The following FAM53A variants were observed in gnomAD, a reference collection of about 807,000 sequenced individuals.
FAM53A encodes the protein protein FAM53A.
In FAM53A, 28 loss-of-function variants were observed where a neutral mutation model predicts 26.6. The observed-to-expected ratio is 1.05, with a 90% CI of 0.78 to 1.45. The LOEUF is 1.45. FAM53A is among the 40% of genes most tolerant of loss of function. FAM53A has a pLI of 0.00. For synonymous variants in FAM53A, 290 were observed against 253.1 expected (o/e 1.15, Z -1.38); for missense variants, 650 against 575.8 (o/e 1.13, Z -1.32).
At chr4:1,580,400 G>A in the FAM53A span, 1 of 152,446 alleles carries the variant, frequency 6.6e-6, no homozygotes, top group Non-Finnish European at 1.5e-5. Flanking sequence ...AAGATCTGCA[G>A]GGATGTGAGG....
At position 1,684,297 on chromosome 4, in the gene FAM53A, G is replaced by A. The variant is rs1715659691; in HGVS notation, c.-229C>T. ...GGCCGCCCAGGCCCCGCTCGCTCAG[G>A]GCGACGCGCCTCAGCCGCGGCGGAA... On this transcript the variant is annotated 5_prime_UTR_variant, in exon 1 of 5. Coordinates refer to ENST00000308132, the MANE Select transcript of FAM53A (RefSeq NM_001174070.3). 1 of 150,990 alleles carries A rather than the reference G, an allele frequency of 6.6e-6. No individual in the cohort carries two copies. Among genetic ancestry groups the A allele is most frequent in the East Asian group, 1.9e-4 (1 of 5,138 alleles). 9.4% of individuals were successfully genotyped at this position (150,990 alleles called of 1,614,324 possible).
intron 2 of FAM53A, among the ~76,000 whole-genome samples, chr4:1,661,749 G>A (rs1050963400): frequency 5.3e-5 from 8 of 151,846 alleles, no homozygotes; most frequent in East Asian, 1.9e-4. Flanking sequence ...CCCTCCCACC[G>A]CCTCATGCCT....
downstream of FAM53A, among the ~76,000 whole-genome samples, chr4:1,615,837 T>C (rs974623217): frequency 2.0e-5 from 3 of 152,238 alleles, no homozygotes; most frequent in Non-Finnish European, 2.9e-5. Flanking sequence ...TGAAGGACCA[T>C]GCACTTTTCT....
the FAM53A span, among the ~76,000 whole-genome samples, chr4:1,612,239 TAA>T: frequency 9.9e-5 from 15 of 152,198 alleles, no homozygotes; most frequent in African/African-American, 2.9e-4. Context: ...AAACAAGATA[TAA>T]GTCTTTTAAA....
chr4:1,582,773 G>A, the FAM53A span, among the ~76,000 whole-genome samples: 1 of 152,126 alleles, frequency 6.6e-6, no homozygotes, highest in African/African-American at 2.4e-5. Flanking sequence ...GAGGATCACT[G>A]GAGCCCAGGA....
In FAM53A at chr4:1,646,348, C is replaced by T. The variant is rs181631789; in HGVS notation, c.883-4741G>A. On this transcript the variant is annotated intron_variant, in intron 4 of 4. Coordinates refer to ENST00000308132, the MANE Select transcript of FAM53A (RefSeq NM_001174070.3). ...TCTCCTGACCTCATGATCTGCCCAC[C>T]TCGGCCTCCCAAAGTGCTGGGATTA... 7.2e-3 allele frequency among the ~76,000 whole-genome samples: 1,093 copies of T among 152,302 alleles called. 10 individuals carry two copies. Among genetic ancestry groups the T allele is most frequent in the African/African-American group, 0.024 (989 of 41,564 alleles).
chr4:1,574,875 AACCCCTCGGCTAT>A, the FAM53A span, among the ~76,000 whole-genome samples: 12 of 152,204 alleles, frequency 7.9e-5, no homozygotes, highest in Non-Finnish European at 1.6e-4. Flanking sequence ...CGGCTGCCCG[AACCCCTCGGCTAT>A]GGCAAGCTTT....
downstream of FAM53A, among the ~76,000 whole-genome samples, chr4:1,639,188 G>A (rs369704947): frequency 1.1e-3 from 166 of 151,964 alleles, no homozygotes; most frequent in African/African-American, 3.8e-3. Flanking sequence ...ACCAGTGGCC[G>A]GTGCCCTGGA....
At chr4:1,662,480 A>T (rs1477655114) in intron 2 of FAM53A, among the ~76,000 whole-genome samples, 1 of 14,774 alleles carries the variant, frequency 6.8e-5, no homozygotes, top group Non-Finnish European at 1.7e-4. Context: ...ATTCCATCAC[A>T]AAAAAAAAAA....
chr4:1,683,556 A>C (rs1029924055), intron 1 of FAM53A: 1 of 152,250 alleles, frequency 6.6e-6, no homozygotes, highest in Non-Finnish European at 1.5e-5. Flanking sequence ...AGCCAAACTC[A>C]TCCATCCGTA....
intron 4 of FAM53A, 105 bp from the exon 5 acceptor site, chr4:1,641,712 C>A (rs1451574745): frequency 2.4e-5 from 27 of 1,139,350 alleles, no homozygotes; most frequent in Middle Eastern, 1.9e-4. Context: ...TCTGGCCATC[C>A]CCAAGACCAC....
rs1247168247 is a variant in FAM53A at position 1,659,292 on chromosome 4, A to C, written c.76-1824T>G. On this transcript the variant is annotated intron_variant, in intron 2 of 4. Coordinates refer to ENST00000308132, the MANE Select transcript of FAM53A (RefSeq NM_001174070.3). This position sits in a 1 kb window ranked among gnomAD's most constrained non-coding sequence, Gnocchi z 5.2. ...TCTGCTAAAGGACTTGAAGGCTTTC[A>C]CGCCACAGGGACCCTTGTTGCTGTC... Among the ~76,000 whole-genome samples, 1 of 152,196 alleles carries C rather than the reference A, an allele frequency of 6.6e-6. No individual in the cohort carries two copies. Among genetic ancestry groups the C allele is most frequent in the Non-Finnish European group, 1.5e-5 (1 of 68,040 alleles).
At chr4:1,593,147 C>T in the FAM53A span, among the ~76,000 whole-genome samples, 1 of 152,184 alleles carries the variant, frequency 6.6e-6, no homozygotes, top group Non-Finnish European at 1.5e-5. Context: ...CAGAGAGGCA[C>T]CAGGTCCTGG....
chr4:1,579,854 C>T, the FAM53A span, among the ~76,000 whole-genome samples: 1 of 152,220 alleles, frequency 6.6e-6, no homozygotes, highest in Non-Finnish European at 1.5e-5. Flanking sequence ...CGCCCCGGGG[C>T]ATCCACCCAT....
At chr4:1,639,049 G>A (rs1715978190), downstream of FAM53A, among the ~76,000 whole-genome samples, 1 of 152,200 alleles carries the variant, frequency 6.6e-6, no homozygotes, top group Admixed American at 6.5e-5. Context: ...GACACACCCT[G>A]CCTCATCTCT....
the FAM53A span, among the ~76,000 whole-genome samples, chr4:1,612,415 C>T: frequency 1.3e-5 from 2 of 152,196 alleles, no homozygotes; most frequent in African/African-American, 2.4e-5. Context: ...CAGGCAGGGC[C>T]GAGTGCTCTC....
At chr4:1,639,871 CA>C (rs1711527113), downstream of FAM53A, 1 of 152,144 alleles carries the variant, frequency 6.6e-6, no homozygotes, top group Non-Finnish European at 1.5e-5. Flanking sequence ...AAGAAAATTT[CA>C]AAAAAGTATT....
rs868355530 is a variant in FAM53A at position 1,662,664 on chromosome 4, A to G, written c.76-5196T>C. Among the ~76,000 whole-genome samples, 35 of 151,512 alleles carry G rather than the reference A, an allele frequency of 2.3e-4. No individual in the cohort carries two copies. The South Asian group carries it at 2.9e-3, about 13-fold the overall frequency. On this transcript the variant is annotated intron_variant, in intron 2 of 4. Coordinates refer to ENST00000308132, the MANE Select transcript of FAM53A (RefSeq NM_001174070.3). ...GGCCCTGTCTCAAAAAAAAAAAAAAAAAGGGTTCTTACAACTCAAAAATAA... is the reference window on the plus strand; with the variant it reads ...GGCCCTGTCTCAAAAAAAAAAAAAAGAAGGGTTCTTACAACTCAAAAATAA...
chr4:1,668,148 C>CTTT (rs71167745), intron 2 of FAM53A, among the ~76,000 whole-genome samples: 2 of 148,076 alleles, frequency 1.4e-5, no homozygotes, highest in South Asian at 2.1e-4. Flanking sequence ...AGTCAAGGCT[C>CTTT]TTTTTTTTTT....
Sources: gnomAD v4.1 joint callset for allele counts (sites outside exome capture counted in the v4.1 genomes callset) on GRCh38, gnomAD v4.1.1 for gene constraint, Gnocchi (gnomAD v3.1) non-coding constraint, MANE v1.5 for transcripts, NCBI Gene and HGNC (gene_info 2026-07-23, HGNC 2026-07-21) for gene names.